The following FMO4 variants were observed in gnomAD, a reference collection of about 807,000 sequenced individuals.
FMO4 encodes flavin containing dimethylaniline monoxygenase 4.
Under a neutral mutation model 43.3 loss-of-function variants are expected in FMO4, and 38 were observed. That is an observed-to-expected ratio of 0.88 (90% CI 0.68 to 1.15). FMO4 has a LOEUF of 1.15. FMO4 is among the 50% of genes most tolerant of loss of function. The pLI is 0.00. For missense variants in FMO4, 631 were observed against 663.3 expected (o/e 0.95, Z 0.54); for synonymous variants, 224 against 232.2 (o/e 0.96, Z 0.32).
intron 2 of FMO4, among the ~76,000 whole-genome samples, chr1:171,318,118 C>T (rs531925093): frequency 6.6e-6 from 1 of 151,798 alleles, no homozygotes; most frequent in East Asian, 1.9e-4. Flanking sequence ...GAGTTTGAGA[C>T]CAGCCTGGCC....
chr1:171,332,584 C>A, intron 6 of FMO4, 125 bp from the exon 7 acceptor site: 1 of 718,368 alleles, frequency 1.4e-6, no homozygotes, highest in South Asian at 1.9e-5. Flanking sequence ...GACCTATGTA[C>A]AAATTCACCA....
intron 3 of FMO4, among the ~76,000 whole-genome samples, chr1:171,320,565 T>C (rs1662373942): frequency 6.6e-6 from 1 of 152,218 alleles, no homozygotes; most frequent in Admixed American, 6.5e-5. Flanking sequence ...GTTAGGTGAC[T>C]TGAGCATCAG....
intron 1 of FMO4, among the ~76,000 whole-genome samples, chr1:171,315,291 CAAATAAAT>C (rs753975472): frequency 6.6e-6 from 1 of 152,096 alleles, no homozygotes; most frequent in Admixed American, 6.6e-5. Flanking sequence ...GACTCCAACT[CAAATAAAT>C]AAATAAATAA....
chr1:171,321,309 C>T (rs575254871), intron 3 of FMO4, among the ~76,000 whole-genome samples: 1 of 152,092 alleles, frequency 6.6e-6, no homozygotes, highest in African/African-American at 2.4e-5. Context: ...TAATTTCTCT[C>T]AGTCATATAT....
rs1464513369 is a variant in FMO4, at chr1:171,324,261, C to T, written c.445C>T (p.His149Tyr). Residue 149 changes from histidine to tyrosine, a missense_variant, in exon 5 of 10, where the codon CAT (histidine) becomes TAT (tyrosine). By Grantham distance (83) the His-to-Tyr change is moderately conservative (BLOSUM62 2). Transcript: ENST00000367749. ...TGATGCTGTTATGGTTTGCACTGGA[C>T]ATTTCCTGAATCCCCATTTACCTTT... ...VFDAVMVCTGHFLNPHLPLEA... is the reference protein window; with the variant it reads ...VFDAVMVCTGYFLNPHLPLEA... The T allele has an allele frequency of 1.9e-6, 3 of 1,612,104 alleles. No homozygotes were observed. Among genetic ancestry groups the T allele is most frequent in the Admixed American group, 1.7e-5 (1 of 59,628 alleles).
Position 171,332,749 on chromosome 1 carries a change from G to T in FMO4, c.668G>T (p.Arg223Leu). The T allele has an allele frequency of 6.2e-7, 1 of 1,610,466 alleles. No homozygotes were observed. Among genetic ancestry groups the T allele is most frequent in the African/African-American group, 1.3e-5 (1 of 74,930 alleles). The change falls in exon 7 of 10, where the codon CGC becomes CTC. Residue 223 changes from arginine to leucine, a missense_variant. Transcript: ENST00000367749. ...AGAACTGGTACCTGGGTTCTTGGGC[G>T]CTCTTCAGATTGGGGCTATCCTTAT... ...STRTGTWVLG[R>L]SSDWGYPYNM... is the part of the protein sequence containing the mutation.
intron 2 of FMO4, among the ~76,000 whole-genome samples, chr1:171,317,553 G>A (rs1380343633): frequency 6.6e-6 from 1 of 152,178 alleles, no homozygotes; most frequent in Non-Finnish European, 1.5e-5. Context: ...TGAGGCAAAA[G>A]CAATGTGATA....
At chr1:171,318,408 T>C (rs935982291) in intron 2 of FMO4, among the ~76,000 whole-genome samples, 1 of 151,950 alleles carries the variant, frequency 6.6e-6, no homozygotes, top group Non-Finnish European at 1.5e-5. Flanking sequence ...ACTAGCACTT[T>C]GGGAGGCCAA....
chr1:171,320,517 A>G (rs1662371928), intron 3 of FMO4, among the ~76,000 whole-genome samples: 1 of 152,194 alleles, frequency 6.6e-6, no homozygotes, highest in Non-Finnish European at 1.5e-5. Flanking sequence ...GAAGTGGAAT[A>G]TTTAGCCTCG....
chr1:171,330,674 T>G (rs887186593), intron 5 of FMO4, among the ~76,000 whole-genome samples: 1 of 152,136 alleles, frequency 6.6e-6, no homozygotes, highest in African/African-American at 2.4e-5. Context: ...GCCCCCATGA[T>G]TCAGTTACCT....
intron 2 of FMO4, among the ~76,000 whole-genome samples, chr1:171,318,250 G>A (rs1343750594): frequency 6.6e-6 from 1 of 152,096 alleles, no homozygotes; most frequent in Non-Finnish European, 1.5e-5. Flanking sequence ...CTAGGAAGTG[G>A]AGGTTGCAGT....
intron 1 of FMO4, among the ~76,000 whole-genome samples, chr1:171,315,432 CT>C (rs547157080): frequency 9.5e-4 from 140 of 148,016 alleles, no homozygotes; most frequent in South Asian, 1.3e-3. Flanking sequence ...GAATTCATAT[CT>C]TTTTTTTTTT....
chr1:171,328,405 C>T (rs1022298581), intron 5 of FMO4, among the ~76,000 whole-genome samples: 2 of 151,782 alleles, frequency 1.3e-5, no homozygotes, highest in African/African-American at 4.8e-5. Flanking sequence ...AATCCCAGCA[C>T]TTTGGGAGGC....
At chr1:171,314,590 G>T (rs949166774) in intron 1 of FMO4, among the ~76,000 whole-genome samples, 177 bp downstream of exon 1, 1 of 152,158 alleles carries the variant, frequency 6.6e-6, no homozygotes, top group East Asian at 1.9e-4. Context: ...GCAAAGGGAA[G>T]TTGTAAGGAA....
At position 171,332,767 on chromosome 1, in the gene FMO4, A is replaced by C. The variant is rs1662955921; in HGVS notation, c.686A>C (p.Tyr229Ser). Residue 229 changes from tyrosine to serine, a missense_variant, in exon 7 of 10, where the codon TAT (tyrosine) becomes TCT (serine). By Grantham distance (144) the Tyr-to-Ser change is moderately radical. Transcript: ENST00000367749. ...CTTGGGCGCTCTTCAGATTGGGGCT[A>C]TCCTTATAATATGATGGTTACAAGA... is the stretch of plus-strand genomic sequence containing the variant. ...WVLGRSSDWG[Y>S]PYNMMVTRRC... The C allele has an allele frequency of 6.2e-7, 1 of 1,612,154 alleles. No individual in the cohort carries two copies. The highest frequency in any genetic ancestry group is 8.5e-7 in the Non-Finnish European group (1 of 1,178,310).
At chr1:171,325,817 C>CCTT in intron 5 of FMO4, among the ~76,000 whole-genome samples, 1 of 51,032 alleles carries the variant, frequency 2.0e-5, no homozygotes, top group Non-Finnish European at 4.0e-5. Flanking sequence ...ATAGACTATC[C>CCTT]TTTTTTTTTT....
chr1:171,334,916 G>C (rs1663060363), intron 8 of FMO4, among the ~76,000 whole-genome samples, 153 bp downstream of exon 8: 1 of 152,216 alleles, frequency 6.6e-6, no homozygotes, highest in Non-Finnish European at 1.5e-5. Flanking sequence ...AGGGTGTGCT[G>C]TGTCACTTAA....
Position 171,341,433 on chromosome 1 carries a change from G to A in FMO4, c.1271G>A (p.Ser424Asn). 3 of 1,613,562 alleles carry A rather than the reference G, an allele frequency of 1.9e-6. No homozygotes were observed. Among genetic ancestry groups the A allele is most frequent in the Non-Finnish European group, 2.5e-6 (3 of 1,179,756 alleles). Residue 424 changes from serine to asparagine, a missense_variant, in exon 10 of 10, where the codon AGC (serine) becomes AAC (asparagine). By Grantham distance (46) the Ser-to-Asn change is conservative. Transcript: ENST00000367749. ...LIKRGVFKDT[S>N]KDKFDYIAYM... ...CTCAGGGGAGTGTTTAAAGACACCA[G>A]CAAAGACAAATTTGACTACATTGCC...
At chr1:171,324,082 A>C (rs1230778872) in intron 4 of FMO4, 56 bp from the exon 5 acceptor site, 2 of 1,474,944 alleles carry the variant, frequency 1.4e-6, no homozygotes, top group African/African-American at 2.8e-5. Flanking sequence ...CACACCAGTC[A>C]TTGCATGAGG....
Sources: allele counts gnomAD v4.1 joint callset (sites outside exome capture counted in the v4.1 genomes callset), GRCh38; gene constraint gnomAD v4.1.1; transcripts MANE v1.5; gene names NCBI Gene and HGNC (gene_info 2026-07-23, HGNC 2026-07-21).